PALLD: variants seen among roughly 807,000 people sequenced by gnomAD.
PALLD encodes palladin.
PALLD carries 61 observed loss-of-function variants against 123.5 expected under a neutral mutation model. The observed-to-expected ratio is 0.49, with a 90% CI of 0.40 to 0.61. PALLD has a LOEUF of 0.61. Ranked by LOEUF, PALLD falls within the 20% of genes least tolerant of loss-of-function variation. PALLD has a pLI of 0.00. For missense variants in PALLD, 1,273 were observed against 1,377.0 expected (o/e 0.92, Z 1.20); for synonymous variants, 465 against 496.4 (o/e 0.94, Z 0.84).
chr4:168,631,120 C>T (rs1025774926), intron 2 of PALLD, among the ~76,000 whole-genome samples: 3 of 152,166 alleles, frequency 2.0e-5, no homozygotes, highest in Non-Finnish European at 4.4e-5. Context: ...TAGGGGCTTA[C>T]TTGTAATGGG....
intron 10 of PALLD, among the ~76,000 whole-genome samples, chr4:168,781,217 A>G (rs1735877232): frequency 6.6e-6 from 1 of 152,200 alleles, no homozygotes; most frequent in African/African-American, 2.4e-5. Flanking sequence ...AAATTAGGAG[A>G]ATTACTGGAC....
intron 10 of PALLD, among the ~76,000 whole-genome samples, chr4:168,824,695 A>G (rs11942257): frequency 0.081 from 12,368 of 151,930 alleles, 1,280 homozygotes; most frequent in African/African-American, 0.24. Context: ...CTTGAAATCT[A>G]GTACTTCATT....
chr4:168,610,028 G>A (rs1291362667), intron 2 of PALLD, among the ~76,000 whole-genome samples: 1 of 152,138 alleles, frequency 6.6e-6, no homozygotes, highest in East Asian at 1.9e-4. Context: ...ATCCATTTAT[G>A]ATATTTGTTC....
At chr4:168,777,432 C>G (rs546855348) in intron 10 of PALLD, among the ~76,000 whole-genome samples, 1 of 151,944 alleles carries the variant, frequency 6.6e-6, no homozygotes, top group Non-Finnish European at 1.5e-5. Context: ...ATGGGGGAGA[C>G]GGGGTTTAGG....
chr4:168,698,872 C>T (rs968160139), intron 8 of PALLD, among the ~76,000 whole-genome samples: 4 of 151,890 alleles, frequency 2.6e-5, no homozygotes, highest in Admixed American at 6.6e-5. Flanking sequence ...TAAAGAAAAT[C>T]GAAGGAATTA....
In PALLD at chr4:168,842,138, G is replaced by A. The variant is rs187324492; in HGVS notation, c.1965-48784G>A. 3.1e-3 allele frequency among the ~76,000 whole-genome samples: 473 copies of A among 152,222 alleles called. 4 individuals carry two copies. Among genetic ancestry groups the A allele is most frequent in the African/African-American group, 0.011 (442 of 41,516 alleles). ...CTTTTGGATTTTCTTCTGCCCTTGA[G>A]GTAATCTGCTCCTCCTTTCATTCAC... On this transcript the variant is annotated intron_variant, in intron 10 of 21. Coordinates refer to ENST00000505667, the MANE Select transcript of PALLD (RefSeq NM_001166108.2).
In PALLD at chr4:168,685,472, T is replaced by C; in HGVS notation, c.1261-13T>C. The C allele has an allele frequency of 6.3e-7, 1 of 1,577,288 alleles. No homozygotes were observed. Among genetic ancestry groups the C allele is most frequent in the East Asian group, 2.2e-5 (1 of 44,726 alleles). On this transcript the variant is annotated splice_polypyrimidine_tract_variant and intron_variant, in intron 5 of 21. Coordinates refer to ENST00000505667, the MANE Select transcript of PALLD (RefSeq NM_001166108.2). ...ATATTTAGAATTTGATCCATATGTC[T>C]CTGCTTTTGCAGGTTCACAGTCCAA...
intron 10 of PALLD, among the ~76,000 whole-genome samples, chr4:168,852,146 A>T (rs1747892518): frequency 6.6e-6 from 1 of 152,202 alleles, no homozygotes; most frequent in African/African-American, 2.4e-5. Context: ...CCAAAGGTAT[A>T]TGGACATGCA....
intron 2 of PALLD, among the ~76,000 whole-genome samples, chr4:168,527,731 C>A (rs1171391586): frequency 1.3e-5 from 2 of 152,180 alleles, no homozygotes; most frequent in African/African-American, 4.8e-5. Context: ...TCCCACTCTT[C>A]TCCACCCCAC....
chr4:168,728,298 G>A (rs978193591), intron 10 of PALLD, among the ~76,000 whole-genome samples: 1 of 152,124 alleles, frequency 6.6e-6, no homozygotes, highest in Non-Finnish European at 1.5e-5. Context: ...GCTTTGGGTG[G>A]TATGGGTATT....
chr4:168,557,105 G>A (rs1339466523), intron 2 of PALLD, among the ~76,000 whole-genome samples: 1 of 151,998 alleles, frequency 6.6e-6, no homozygotes, highest in Non-Finnish European at 1.5e-5. Context: ...GTGCAGTGAC[G>A]GGATCTTGGC....
At chr4:168,876,876 C>A (rs1751817704) in intron 10 of PALLD, among the ~76,000 whole-genome samples, 1 of 152,150 alleles carries the variant, frequency 6.6e-6, no homozygotes, top group South Asian at 2.1e-4. Context: ...AGGAAAACAT[C>A]CTGGATGTAC....
intron 10 of PALLD, among the ~76,000 whole-genome samples, chr4:168,768,339 A>C (rs140166158): frequency 2.6e-5 from 4 of 152,170 alleles, no homozygotes; most frequent in Non-Finnish European, 5.9e-5. Context: ...CATCCGCTCT[A>C]CCTGTGAGTG....
chr4:168,777,103 TACAC>T lies in PALLD; in HGVS notation c.1964+65193_1964+65196del, dbSNP rs112829388. Reference sequence around the variant, plus strand: ...ACACACACACAGAGGCACACACATATACACACACACACACACGCCCCACAGTCTT... The same window carrying T: ...ACACACACACAGAGGCACACACATATACACACACACACGCCCCACAGTCTT... On this transcript the variant is annotated intron_variant, in intron 10 of 21. Coordinates refer to ENST00000505667, the MANE Select transcript of PALLD (RefSeq NM_001166108.2). 9.1e-3 allele frequency among the ~76,000 whole-genome samples: 1,365 copies of T among 150,522 alleles called. 23 individuals are homozygous for T. The highest frequency in any genetic ancestry group is 0.029 in the African/African-American group (1,203 of 41,098).
chr4:168,628,713 A>G (rs1292839804), intron 2 of PALLD, among the ~76,000 whole-genome samples: 1 of 152,200 alleles, frequency 6.6e-6, no homozygotes, highest in Admixed American at 6.5e-5. Flanking sequence ...TATCTTGCTC[A>G]GTGTGTTCAA....
chr4:168,838,756 G>A (rs930543792), intron 10 of PALLD, among the ~76,000 whole-genome samples: 2 of 140,366 alleles, frequency 1.4e-5, no homozygotes, highest in Non-Finnish European at 3.0e-5. Flanking sequence ...TGCTTGTTGA[G>A]TGACTGCTAC....
intron 10 of PALLD, among the ~76,000 whole-genome samples, chr4:168,717,954 T>C (rs1785523332): frequency 6.6e-6 from 1 of 152,198 alleles, no homozygotes; most frequent in African/African-American, 2.4e-5. Flanking sequence ...ACATTTTCAC[T>C]CTCTAGTACA....
At chr4:168,719,384 A>G (rs980903887) in intron 10 of PALLD, among the ~76,000 whole-genome samples, 1 of 147,912 alleles carries the variant, frequency 6.8e-6, no homozygotes, top group South Asian at 2.2e-4. Flanking sequence ...CAGCCTCCCA[A>G]GTAGCTGGAA....
At chr4:168,781,988 C>G (rs1735992135) in intron 10 of PALLD, among the ~76,000 whole-genome samples, 1 of 152,074 alleles carries the variant, frequency 6.6e-6, no homozygotes, top group African/African-American at 2.4e-5. Flanking sequence ...TAAATGCTGT[C>G]TCTACCTGCC....
Sources: gnomAD v4.1 joint callset for allele counts (sites outside exome capture counted in the v4.1 genomes callset) on GRCh38, gnomAD v4.1.1 for gene constraint, MANE v1.5 for transcripts, NCBI Gene and HGNC (gene_info 2026-07-23, HGNC 2026-07-21) for gene names.